Variants in CNTN5 observed in about 807,000 individuals in gnomAD.
CNTN5 encodes contactin-5.
A neutral mutation model predicts 129.1 loss-of-function variants in CNTN5; 77 were observed. The observed-to-expected ratio is 0.60, with a 90% confidence interval of 0.50 to 0.72. The LOEUF (loss-of-function observed/expected upper bound fraction) is 0.72. Among genes scored for constraint, CNTN5 ranks in the 30% least tolerant of loss-of-function variants. The probability of loss-of-function intolerance (pLI) is 0.00; values close to 1 mark genes in which losing one functional copy is unlikely to be tolerated. For synonymous variants in CNTN5, 509 were observed against 465.6 expected (o/e 1.09, Z -1.20); for missense variants, 1,478 against 1,328.8 (o/e 1.11, Z -1.75).
At chr11:99,276,869 A>G (rs1426911759) in intron 1 of CNTN5, among the ~76,000 whole-genome samples, 3 of 151,634 alleles carry the variant, frequency 2.0e-5, no homozygotes, top group African/African-American at 4.8e-5. Flanking sequence ...ATTTTCTCCT[A>G]TAAAGAAGTA....
intron 2 of CNTN5, among the ~76,000 whole-genome samples, chr11:99,381,099 T>C (rs192492307): frequency 1.2e-3 from 181 of 152,214 alleles, no homozygotes; most frequent in African/African-American, 4.2e-3. Flanking sequence ...TACAACTGCT[T>C]GTCCAAAAAG....
At chr11:100,132,205 C>T (rs139695548) in intron 13 of CNTN5, among the ~76,000 whole-genome samples, 230 of 152,192 alleles carry the variant, frequency 1.5e-3, no homozygotes, top group African/African-American at 5.2e-3. Context: ...CCAAGGTCAA[C>T]GCTTATTCAG....
chr11:99,199,456 A>T lies in CNTN5; in HGVS notation c.-209-125890A>T, dbSNP rs750526094. Among the ~76,000 whole-genome samples, 8 of 152,296 alleles carry T rather than the reference A, an allele frequency of 5.3e-5. No individual in the cohort carries two copies. In the South Asian group the frequency reaches 1.2e-3, roughly 24 times the overall value. ...CAATAACACAATATGACATTCTACA[A>T]ATCAAAGTGCTTTAAAACAACAACC... is the stretch of plus-strand genomic sequence containing the variant. On this transcript the variant is annotated intron_variant, in intron 1 of 24. Coordinates refer to ENST00000524871, the MANE Select transcript of CNTN5 (RefSeq NM_014361.4).
At chr11:99,581,638 G>A (rs1017015292) in intron 3 of CNTN5, among the ~76,000 whole-genome samples, 8 of 152,030 alleles carry the variant, frequency 5.3e-5, no homozygotes, top group African/African-American at 1.9e-4. Flanking sequence ...CGTTTTATCC[G>A]AGACTAGGAT....
intron 3 of CNTN5, among the ~76,000 whole-genome samples, chr11:99,774,727 A>G (rs1191130547): frequency 6.6e-6 from 1 of 152,016 alleles, no homozygotes. Flanking sequence ...GTTTTGAAAC[A>G]GCTTCTTCTC....
intron 2 of CNTN5, among the ~76,000 whole-genome samples, chr11:99,548,987 A>G (rs1426276462): frequency 6.6e-6 from 1 of 152,060 alleles, no homozygotes; most frequent in African/African-American, 2.4e-5. Context: ...AGACCTTTTC[A>G]CTATCATTGT....
chr11:99,269,671 A>G (rs925150024), intron 1 of CNTN5, among the ~76,000 whole-genome samples: 4 of 151,176 alleles, frequency 2.6e-5, no homozygotes, highest in African/African-American at 9.8e-5. Flanking sequence ...ACATTTTTTC[A>G]ATCTAGGAGT....
At chr11:99,723,572 C>T (rs1377823499) in intron 3 of CNTN5, among the ~76,000 whole-genome samples, 1 of 152,140 alleles carries the variant, frequency 6.6e-6, no homozygotes, top group East Asian at 1.9e-4. Flanking sequence ...TTATTTTTCT[C>T]CAAAGCATTT....
intron 16 of CNTN5, 70 bp from the exon 17 acceptor site, chr11:100,255,690 G>A (rs1365271992): frequency 7.3e-6 from 10 of 1,366,906 alleles, no homozygotes; most frequent in Admixed American, 3.7e-5. Flanking sequence ...GCTACATATT[G>A]GAAATATAAT....
At chr11:99,285,601 A>G (rs1443480784) in intron 1 of CNTN5, among the ~76,000 whole-genome samples, 4 of 151,782 alleles carry the variant, frequency 2.6e-5, no homozygotes, top group Non-Finnish European at 4.4e-5. Context: ...AAGAAAAAAA[A>G]AAAAAGAAAT....
intron 1 of CNTN5, among the ~76,000 whole-genome samples, chr11:99,267,323 G>A (rs535834038): frequency 7.9e-5 from 12 of 151,954 alleles, no homozygotes; most frequent in Non-Finnish European, 1.5e-4. Context: ...AAGGTAAATG[G>A]TGGAAATATT....
chr11:99,387,691 C>T (rs561338446), intron 2 of CNTN5, among the ~76,000 whole-genome samples: 2 of 152,102 alleles, frequency 1.3e-5, no homozygotes, highest in Non-Finnish European at 2.9e-5. Context: ...TGCTGAGCTT[C>T]CCCTGCCACA....
At chr11:100,079,883 C>T (rs372994368) in intron 13 of CNTN5, among the ~76,000 whole-genome samples, 2 of 152,244 alleles carry the variant, frequency 1.3e-5, no homozygotes, top group South Asian at 2.1e-4. Context: ...CACTCCAGCT[C>T]ATTATTTCCA....
At chr11:99,255,315 G>A (rs893202790) in intron 1 of CNTN5, among the ~76,000 whole-genome samples, 11 of 151,618 alleles carry the variant, frequency 7.3e-5, no homozygotes, top group Admixed American at 7.3e-4. Flanking sequence ...GTAACGAATA[G>A]TATTTAACAT....
intron 1 of CNTN5, among the ~76,000 whole-genome samples, chr11:99,098,966 A>C (rs1409442072): frequency 1.3e-5 from 2 of 152,252 alleles, no homozygotes; most frequent in East Asian, 3.9e-4. Context: ...TTTGAAATCT[A>C]TTTAGAAACT....
intron 3 of CNTN5, among the ~76,000 whole-genome samples, chr11:99,632,086 G>C (rs546501930): frequency 6.6e-6 from 1 of 152,058 alleles, no homozygotes; most frequent in Admixed American, 6.6e-5. Flanking sequence ...ATCCCCTGGG[G>C]GACTTGGAAG....
intron 1 of CNTN5, among the ~76,000 whole-genome samples, chr11:99,297,523 C>T (rs185655137): frequency 5.8e-4 from 89 of 152,228 alleles, no homozygotes; most frequent in African/African-American, 2.1e-3. Flanking sequence ...TACCAAGAGC[C>T]CTCATTTTTA....
At chr11:99,733,301 G>A (rs183651067) in intron 3 of CNTN5, among the ~76,000 whole-genome samples, 2 of 142,726 alleles carry the variant, frequency 1.4e-5, no homozygotes, top group Admixed American at 7.0e-5. Context: ...CAGCCTGAGC[G>A]ACAGAGAGAG....
intron 3 of CNTN5, among the ~76,000 whole-genome samples, chr11:99,572,937 C>A (rs1226784489): frequency 6.6e-6 from 1 of 151,940 alleles, no homozygotes; most frequent in Non-Finnish European, 1.5e-5. Flanking sequence ...TTTGAGCCAG[C>A]ATGCGGGAGA....
Sources: allele counts gnomAD v4.1 joint callset (sites outside exome capture counted in the v4.1 genomes callset), GRCh38; gene constraint gnomAD v4.1.1; transcripts MANE v1.5; gene names NCBI Gene and HGNC (gene_info 2026-07-23, HGNC 2026-07-21).